ENOX1: variants seen among roughly 807,000 people sequenced by gnomAD.
The protein encoded by ENOX1 is candidate growth-related and time keeping constitutive hydroquinone (NADH) oxidase.
In ENOX1, 42 loss-of-function variants were observed where a neutral mutation model predicts 82.5. The observed-to-expected ratio is 0.51, with a 90% CI of 0.40 to 0.66. The LOEUF is 0.66. ENOX1 is among the 30% of genes least tolerant of loss of function. The pLI is 0.00. For synonymous variants in ENOX1, 271 were observed against 282.2 expected (o/e 0.96, Z 0.40); for missense variants, 608 against 811.6 (o/e 0.75, Z 3.05).
At chr13:43,727,600 G>A (rs2089066266) in intron 1 of ENOX1, among the ~76,000 whole-genome samples, 1 of 152,164 alleles carries the variant, frequency 6.6e-6, no homozygotes, top group South Asian at 2.1e-4. Flanking sequence ...TAGACAGAAA[G>A]GGCCAGGCAG....
chr13:43,480,141 G>A (rs1426589759), intron 3 of ENOX1, among the ~76,000 whole-genome samples: 1 of 152,042 alleles, frequency 6.6e-6, no homozygotes, highest in African/African-American at 2.4e-5. Context: ...ATTTCACCAT[G>A]TTGGCCAGGC....
At chr13:43,723,665 T>G (rs2088726315) in intron 1 of ENOX1, among the ~76,000 whole-genome samples, 1 of 152,064 alleles carries the variant, frequency 6.6e-6, no homozygotes, top group African/African-American at 2.4e-5. Flanking sequence ...AATTTAAAAG[T>G]GGGTTTATAT....
intron 3 of ENOX1, among the ~76,000 whole-genome samples, chr13:43,429,132 C>T (rs959060754): frequency 6.6e-6 from 1 of 152,182 alleles, no homozygotes; most frequent in Admixed American, 6.5e-5. Context: ...GTCACAAGTA[C>T]CCTGTGGGCC....
At chr13:43,578,580 C>T (rs919445988) in intron 2 of ENOX1, among the ~76,000 whole-genome samples, 1 of 152,148 alleles carries the variant, frequency 6.6e-6, no homozygotes, top group African/African-American at 2.4e-5. Flanking sequence ...AGTAGCGTCA[C>T]TCAAGAGGTA....
intron 3 of ENOX1, among the ~76,000 whole-genome samples, chr13:43,416,582 C>T (rs1399684734): frequency 3.4e-5 from 5 of 148,298 alleles, no homozygotes; most frequent in African/African-American, 7.5e-5. Context: ...ACAGGGCAGC[C>T]GGGCAGAGGC....
chr13:43,593,779 A>G (rs2081349437), intron 2 of ENOX1, among the ~76,000 whole-genome samples: 1 of 151,044 alleles, frequency 6.6e-6, no homozygotes. Flanking sequence ...GTCTTGGAGT[A>G]AATATTAGTT....
rs555164891 is a variant in ENOX1 at position 43,578,719 on chromosome 13, T to TA, written c.-219+88759dup. ...GTAAGCTCTGTTAGAGCACAGCTGA[T>TA]ATGGTCTTATTCACTGCTTTGTCTG... is the stretch of plus-strand genomic sequence containing the variant. On this transcript the variant is annotated intron_variant, in intron 2 of 16. Transcript: ENST00000690772. Among the ~76,000 whole-genome samples, 70 of 152,314 alleles carry TA rather than the reference T, an allele frequency of 4.6e-4. No homozygotes were observed. The East Asian group carries it at 0.013, about 29-fold the overall frequency.
chr13:43,780,100 G>A (rs964796891), intron 1 of ENOX1, among the ~76,000 whole-genome samples: 5 of 151,408 alleles, frequency 3.3e-5, no homozygotes, highest in African/African-American at 1.2e-4. Flanking sequence ...GGCAGAGCTT[G>A]CAGTGAGCCG....
At chr13:43,304,175 C>G (rs1399165628) in intron 11 of ENOX1, among the ~76,000 whole-genome samples, 1 of 152,208 alleles carries the variant, frequency 6.6e-6, no homozygotes, top group Non-Finnish European at 1.5e-5. Context: ...GGCACAGTCA[C>G]TATTCTGCTT....
chr13:43,566,992 C>T (rs531011838), intron 2 of ENOX1, among the ~76,000 whole-genome samples: 1 of 152,160 alleles, frequency 6.6e-6, no homozygotes, highest in South Asian at 2.1e-4. Context: ...GAACAATGAG[C>T]CCTCCCAGAG....
chr13:43,532,040 G>A (rs995333223), intron 2 of ENOX1, among the ~76,000 whole-genome samples: 55 of 151,930 alleles, frequency 3.6e-4, no homozygotes, highest in African/African-American at 1.2e-3. Flanking sequence ...AAACCTGCAC[G>A]TTGTGCACAT....
At chr13:43,784,590 C>T (rs998897390) in intron 1 of ENOX1, among the ~76,000 whole-genome samples, 1 of 152,120 alleles carries the variant, frequency 6.6e-6, no homozygotes, top group African/African-American at 2.4e-5. Context: ...AACCAAGAAT[C>T]TTAAATTTTA....
In ENOX1 at chr13:43,411,952, C is replaced by T. The variant is rs755275541; in HGVS notation, c.172G>A (p.Val58Ile). The T allele has an allele frequency of 1.2e-6, 2 of 1,614,196 alleles. No individual in the cohort carries two copies. The highest frequency in any genetic ancestry group is 2.2e-5 in the South Asian group (2 of 91,076). Residue 58 changes from valine (V) to isoleucine (I), a missense_variant, in exon 5 of 17, where the codon GTT (valine) becomes ATT (isoleucine). By Grantham distance (29) the Val-to-Ile change is conservative (BLOSUM62 3). Transcript: ENST00000690772. ...TGCTGTCCAGGCAACCCTACGGGAA[C>T]CATGCCCAGGTTATTCATGGCTGTA... ...WATAMNNLGMVPVGLPGQQLV... is the reference protein window; with the variant it reads ...WATAMNNLGMIPVGLPGQQLV...
At chr13:43,438,641 G>A (rs2056174749) in intron 3 of ENOX1, among the ~76,000 whole-genome samples, 1 of 152,174 alleles carries the variant, frequency 6.6e-6, no homozygotes, top group Non-Finnish European at 1.5e-5. Flanking sequence ...TCCCCTGGAT[G>A]GCTATTTGCT....
chr13:43,447,984 A>G (rs2056751717), intron 3 of ENOX1, among the ~76,000 whole-genome samples: 1 of 152,224 alleles, frequency 6.6e-6, no homozygotes, highest in South Asian at 2.1e-4. Flanking sequence ...GTTCCTGACA[A>G]TCATCTTCAG....
intron 3 of ENOX1, chr13:43,459,530 T>C (rs2057372091): frequency 6.6e-6 from 1 of 152,176 alleles, no homozygotes; most frequent in Non-Finnish European, 1.5e-5. Flanking sequence ...TAACAACACT[T>C]ATTTTTATCT....
intron 1 of ENOX1, among the ~76,000 whole-genome samples, chr13:43,677,528 A>G (rs1312074133): frequency 6.6e-6 from 1 of 152,112 alleles, no homozygotes; most frequent in Non-Finnish European, 1.5e-5. Flanking sequence ...CTCCCTTCAT[A>G]CTCAAAACAA....
chr13:43,241,928 C>T (rs888145870), intron 14 of ENOX1, among the ~76,000 whole-genome samples: 28 of 152,264 alleles, frequency 1.8e-4, no homozygotes, highest in Middle Eastern at 6.8e-3. Flanking sequence ...TCCACCTACC[C>T]AAGCCCCTAA....
chr13:43,592,893 T>G (rs1287924305), intron 2 of ENOX1, among the ~76,000 whole-genome samples: 1 of 152,214 alleles, frequency 6.6e-6, no homozygotes, highest in Non-Finnish European at 1.5e-5. Flanking sequence ...AGATATTGCC[T>G]TATAATTATT....
Sources: allele counts gnomAD v4.1 joint callset (sites outside exome capture counted in the v4.1 genomes callset), GRCh38; gene constraint gnomAD v4.1.1; transcripts MANE v1.5; gene names NCBI Gene and HGNC (gene_info 2026-07-23, HGNC 2026-07-21).